Variants in TMPRSS6 observed in about 807,000 individuals in gnomAD.
TMPRSS6 encodes transmembrane protease serine 6.
TMPRSS6 carries 67 observed loss-of-function variants against 101.5 expected under a neutral mutation model. The observed-to-expected ratio is 0.66, with a 90% CI of 0.54 to 0.81. The LOEUF (loss-of-function observed/expected upper bound fraction) is 0.81, where lower values mean the gene tolerates loss of function less well. Among genes scored for constraint, TMPRSS6 ranks in the 30% least tolerant of loss-of-function variants. TMPRSS6 has a pLI of 0.00. For missense variants in TMPRSS6, 1,034 were observed against 1,088.7 expected, an observed-to-expected ratio of 0.95 and a Z score of 0.71; for synonymous variants, 453 against 464.9, an observed-to-expected ratio of 0.97 and a Z score of 0.33.
rs73886976 is a variant in TMPRSS6 at position 37,090,711 on chromosome 22, C to G, written c.632-929G>C. On this transcript the variant is annotated intron_variant, in intron 6 of 17. Transcript: ENST00000676104. Reference sequence around the variant, plus strand: ...ACCACCTAATCTTTCCTGGGCCTTGCTTTCCTCATCTATAGAATGGGACGA... The same window carrying G: ...ACCACCTAATCTTTCCTGGGCCTTGGTTTCCTCATCTATAGAATGGGACGA... Among the ~76,000 whole-genome samples the G allele has an allele frequency of 8.6e-3, 1,309 of 152,310 alleles. 12 individuals are homozygous for G. Among genetic ancestry groups the G allele is most frequent in the African/African-American group, 0.03 (1,234 of 41,550 alleles).
chr22:37,083,279 G>A (rs1026934060), intron 10 of TMPRSS6, among the ~76,000 whole-genome samples: 14 of 152,104 alleles, frequency 9.2e-5, no homozygotes, highest in African/African-American at 2.2e-4. Flanking sequence ...CTCTGCCATC[G>A]CTGCTTCAAT....
At position 37,074,681 on chromosome 22, in the gene TMPRSS6, A is replaced by G. The variant is rs1404840181; in HGVS notation, c.1370T>C (p.Val457Ala). 6.2e-7 allele frequency: 1 copy of G among 1,614,202 alleles called. No individual in the cohort carries two copies. Among genetic ancestry groups the G allele is most frequent in the Admixed American group, 1.7e-5 (1 of 60,036 alleles). Reference protein sequence around the residue: ...DPCPGEFLCSVNGLCVPACDG... With the variant: ...DPCPGEFLCSANGLCVPACDG... Reference sequence around the variant, plus strand: ...ACAGGCAGGGACACAGAGTCCATTCACAGAACAGAGGAACTCTCCAGGGCA... The same window carrying G: ...ACAGGCAGGGACACAGAGTCCATTCGCAGAACAGAGGAACTCTCCAGGGCA... Residue 457 changes from valine (V) to alanine (A), a missense_variant, in exon 12 of 18, where the codon GTG becomes GCG. Transcript: ENST00000676104.
chr22:37,106,835 T>G (rs1930743338), intron 1 of TMPRSS6, among the ~76,000 whole-genome samples: 1 of 152,224 alleles, frequency 6.6e-6, no homozygotes, highest in South Asian at 2.1e-4. Context: ...TTTGTGCAGC[T>G]GAGTCCCCCT....
intron 13 of TMPRSS6, among the ~76,000 whole-genome samples, chr22:37,072,385 TGATGGATC>T (rs1927090323): frequency 8.4e-6 from 1 of 119,744 alleles, no homozygotes; most frequent in African/African-American, 3.3e-5. Context: ...GATGGATGGA[TGATGGATC>T]GATGGATGAT....
chr22:37,066,004 T>A lies in TMPRSS6; in HGVS notation c.*76A>T, dbSNP rs1046188125. ...TCTCCCCCACCCCCCGCCAGAATAC[T>A]TGTCCCCCTGCTTGGCAGTTGCCCT... On this transcript the variant is annotated 3_prime_UTR_variant, in exon 18 of 18. Coordinates refer to ENST00000676104, the MANE Select transcript of TMPRSS6 (RefSeq NM_001374504.1). 15 of 1,577,588 alleles carry A rather than the reference T, an allele frequency of 9.5e-6. No individual in the cohort carries two copies. Among genetic ancestry groups the A allele is most frequent in the Admixed American group, 3.3e-5 (2 of 59,808 alleles).
At chr22:37,100,984 A>C (rs1237645251) in intron 2 of TMPRSS6, among the ~76,000 whole-genome samples, 2 of 152,138 alleles carry the variant, frequency 1.3e-5, no homozygotes, top group African/African-American at 4.8e-5. Flanking sequence ...TGGATTTAGC[A>C]ACCTGGGATG....
At position 37,093,384 on chromosome 22, in the gene TMPRSS6, C is replaced by CTT. The variant is rs67659825; in HGVS notation, c.631+2165_631+2166dup. On this transcript the variant is annotated intron_variant, in intron 6 of 17. Coordinates refer to ENST00000676104, the MANE Select transcript of TMPRSS6 (RefSeq NM_001374504.1). The stretch of plus-strand genomic sequence containing the variant: ...ACCTTTTCCTTTCCTTTCTTTCTTT[C>CTT]TTTTTTTTTTTTTTTTTTTTTTTTT... Among the ~76,000 whole-genome samples the CTT allele has an allele frequency of 8.2e-3, 679 of 82,568 alleles. 64 individuals are homozygous for CTT. The highest frequency in any genetic ancestry group is 0.027 in the African/African-American group (522 of 19,086). The allele number at this position is 82,568 out of a possible 152,430, so 54.2% of individuals were successfully genotyped here. A position where few individuals can be genotyped will look rare whatever the true frequency, so the allele number is the denominator to read the frequency against.
chr22:37,089,424 C>G (rs548774703), intron 7 of TMPRSS6, among the ~76,000 whole-genome samples, 154 bp downstream of exon 7: 1 of 152,194 alleles, frequency 6.6e-6, no homozygotes, highest in African/African-American at 2.4e-5. Flanking sequence ...CCTCCTCTCC[C>G]CTATCCCCTC....
intron 7 of TMPRSS6, 68 bp from the exon 8 acceptor site, chr22:37,086,487 G>A: frequency 6.5e-7 from 1 of 1,529,994 alleles, no homozygotes; most frequent in Non-Finnish European, 8.9e-7. Context: ...AGGGCGGCAG[G>A]CGGCTGCTGG....
intron 2 of TMPRSS6, among the ~76,000 whole-genome samples, chr22:37,100,511 G>A (rs1477177400): frequency 6.6e-6 from 1 of 152,202 alleles, no homozygotes; most frequent in Non-Finnish European, 1.5e-5. Flanking sequence ...AGATGACCAG[G>A]TTTGCTGGCA....
At chr22:37,093,384 C>CTTTTTTTTTTTTTTTTTTT in intron 6 of TMPRSS6, among the ~76,000 whole-genome samples, 1 of 82,544 alleles carries the variant, frequency 1.2e-5, no homozygotes, top group Non-Finnish European at 2.2e-5. Flanking sequence ...TTCTTTCTTT[C>CTTTTTTTTTTTTTTTTTTT]TTTTTTTTTT....
At chr22:37,090,756 C>T (rs1052259846) in intron 6 of TMPRSS6, among the ~76,000 whole-genome samples, 12 of 152,014 alleles carry the variant, frequency 7.9e-5, no homozygotes, top group African/African-American at 2.4e-4. Context: ...CCTTGCAGGG[C>T]CGCCAGCAGA....
chr22:37,103,454 C>G lies in TMPRSS6; in HGVS notation c.-1-36G>C. On this transcript the variant is annotated intron_variant, in intron 1 of 17. Transcript: ENST00000676104. This position sits in a 1 kb window ranked among gnomAD's most constrained non-coding sequence, Gnocchi z 4.4. Reference sequence around the variant, plus strand: ...AACAGACCAAAGTTGGAAACAGCCTCGCATTTGCAAGGGAGCCTCTGCTGA... The same window carrying G: ...AACAGACCAAAGTTGGAAACAGCCTGGCATTTGCAAGGGAGCCTCTGCTGA... The G allele has an allele frequency of 6.2e-7, 1 of 1,614,220 alleles. No individual in the cohort carries two copies. The highest frequency in any genetic ancestry group is 8.5e-7 in the Non-Finnish European group (1 of 1,180,040).
intron 10 of TMPRSS6, among the ~76,000 whole-genome samples, chr22:37,077,418 T>C (rs1475199872): frequency 6.6e-6 from 1 of 152,170 alleles, no homozygotes; most frequent in East Asian, 1.9e-4. Context: ...GTGACCACGA[T>C]CTTACCCTTA....
At chr22:37,098,374 C>T in intron 3 of TMPRSS6, 42 bp downstream of exon 3, 1 of 1,612,570 alleles carries the variant, frequency 6.2e-7, no homozygotes, top group Non-Finnish European at 8.5e-7. Flanking sequence ...TCTCTTTTCA[C>T]CCCCATATTC....
chr22:37,089,480 C>G, intron 7 of TMPRSS6, 98 bp downstream of exon 7: 1 of 1,234,616 alleles, frequency 8.1e-7, no homozygotes, highest in Non-Finnish European at 1.1e-6. Flanking sequence ...CAAGGTCCTA[C>G]CCTCCCTTGT....
In TMPRSS6 at chr22:37,075,142, C is replaced by G; in HGVS notation, c.1335G>C (p.Gln445His). ...GVRVHYGLYNQSDPCPGEFLC... is the reference protein window; with the variant it reads ...GVRVHYGLYNHSDPCPGEFLC... ...CCGGCTGCCCATACTCACGGTCCGA[C>G]TGGTTGTACAAGCCATAGTGCACCC... Residue 445 changes from glutamine (Q) to histidine (H), a missense_variant, in exon 11 of 18, where the codon CAG (glutamine) becomes CAC (histidine). Transcript: ENST00000676104. 6.2e-7 allele frequency: 1 copy of G among 1,613,796 alleles called. No homozygotes were observed. Among genetic ancestry groups the G allele is most frequent in the Non-Finnish European group, 8.5e-7 (1 of 1,180,044 alleles).
intron 8 of TMPRSS6, 31 bp downstream of exon 8, chr22:37,086,252 T>C: frequency 1.2e-6 from 2 of 1,613,818 alleles, no homozygotes; most frequent in Non-Finnish European, 1.7e-6. Context: ...CCACCACCCC[T>C]CCCCTGCCCC....
At chr22:37,076,802 AAC>A (rs1454523151) in intron 10 of TMPRSS6, among the ~76,000 whole-genome samples, 2 of 152,214 alleles carry the variant, frequency 1.3e-5, no homozygotes, top group East Asian at 1.9e-4. Context: ...AGATGGGGGA[AAC>A]ACACTCAGGG....
Sources: allele counts gnomAD v4.1 joint callset (sites outside exome capture counted in the v4.1 genomes callset), GRCh38; gene constraint gnomAD v4.1.1; non-coding constraint Gnocchi (gnomAD v3.1); transcripts MANE v1.5; gene names NCBI Gene and HGNC (gene_info 2026-07-23, HGNC 2026-07-21).